Variants in SLC26A4 observed in about 807,000 individuals in gnomAD.
The protein encoded by SLC26A4 is pendrin.
Under a neutral mutation model 90.4 loss-of-function variants are expected in SLC26A4, and 93 were observed. The ratio of observed to expected loss-of-function variants is 1.03; its 90% CI spans 0.87 to 1.22. The LOEUF is 1.22. Ranked by LOEUF, SLC26A4 falls within the 50% of genes most tolerant of loss-of-function variation. The pLI, the probability that SLC26A4 is intolerant of heterozygous loss-of-function variation, is 0.00. For synonymous variants in SLC26A4, 393 were observed against 354.6 expected (o/e 1.11, Z -1.22); for missense variants, 1,127 against 946.2 (o/e 1.19, Z -2.51).
intron 8 of SLC26A4, among the ~76,000 whole-genome samples, chr7:107,684,538 T>C (rs1339511241): frequency 6.6e-6 from 1 of 152,172 alleles, no homozygotes; most frequent in Non-Finnish European, 1.5e-5. Context: ...TCCAAACTAT[T>C]TGAAAAAGCA....
intron 10 of SLC26A4, chr7:107,691,911 T>A: frequency 7.8e-7 from 1 of 1,284,538 alleles, no homozygotes; most frequent in South Asian, 1.2e-5. Context: ...CATTTCAGGC[T>A]GCAGCTGTCA....
At chr7:107,711,818 A>T (rs1167873931) in intron 19 of SLC26A4, among the ~76,000 whole-genome samples, 1 of 152,156 alleles carries the variant, frequency 6.6e-6, no homozygotes, top group Non-Finnish European at 1.5e-5. Flanking sequence ...CTTTCCCATT[A>T]TGTCATACCA....
At position 107,716,614 on chromosome 7, in the gene SLC26A4, C is replaced by A. The variant is rs1584350471; in HGVS notation, c.*1168C>A. On this transcript the variant is annotated 3_prime_UTR_variant, in exon 21 of 21. Coordinates refer to ENST00000644269, the MANE Select transcript of SLC26A4 (RefSeq NM_000441.2). ...TTTTATTTATTTTTTTCCTAAGTGC[C>A]AACAATTTTCTAGATATTATATACA... The A allele has an allele frequency of 6.6e-6, 1 of 151,852 alleles. No homozygotes were observed. Among genetic ancestry groups the A allele is most frequent in the African/African-American group, 2.4e-5 (1 of 41,320 alleles). The allele number at this position is 151,852 out of a possible 1,614,324, so 9.4% of individuals were successfully genotyped here.
At chr7:107,704,720 A>G (rs146572427) in intron 18 of SLC26A4, among the ~76,000 whole-genome samples, 1 of 152,236 alleles carries the variant, frequency 6.6e-6, no homozygotes, top group Non-Finnish European at 1.5e-5. Context: ...ATTAGTTAAC[A>G]TGAGGTCATG....
At chr7:107,695,289 A>G (rs1791708209) in intron 12 of SLC26A4, among the ~76,000 whole-genome samples, 1 of 152,154 alleles carries the variant, frequency 6.6e-6, no homozygotes, top group Non-Finnish European at 1.5e-5. Flanking sequence ...AGGCAGAAAT[A>G]AAAGCGGATA....
chr7:107,691,504 AAT>A (rs67649102), intron 10 of SLC26A4, among the ~76,000 whole-genome samples: 167 of 132,230 alleles, frequency 1.3e-3, no homozygotes, highest in Non-Finnish European at 1.9e-3. Flanking sequence ...CTCTGTGTCA[AAT>A]ATATATATAC....
Position 107,661,891 on chromosome 7 carries a change from G to T in SLC26A4, c.164+86G>T. On this transcript the variant is annotated intron_variant, in intron 2 of 20. Transcript: ENST00000644269. The surrounding 1 kb of genome is among the most constrained non-coding windows in gnomAD (Gnocchi z 5.1). ...GGAAGGGCGTCCCCAGCGGGCGAGA[G>T]TGGGGTGCGGGCGGCGGAGCCCCTG... 7.0e-7 allele frequency: 1 copy of T among 1,426,054 alleles called. No individual in the cohort carries two copies. The highest frequency in any genetic ancestry group is 1.4e-5 in the South Asian group (1 of 73,246). The allele number at this position is 1,426,054 out of a possible 1,614,324, so 88.3% of individuals were successfully genotyped here.
rs1458066970 is a variant in SLC26A4, at chr7:107,695,942, G to A, written c.1447G>A (p.Val483Met). Reference protein sequence around the residue: ...RQNKIDAVIWVFTCIVSIILG... With the variant: ...RQNKIDAVIWMFTCIVSIILG... ...CTATTTTTTTCCCTAGGTTATCTGG[G>A]TGTTTACGTGTATAGTGTCCATCAT... Residue 483 changes from valine to methionine, a missense_variant, in exon 13 of 21, where the codon GTG becomes ATG. Val to Met is a conservative substitution (Grantham distance 21). Transcript: ENST00000644269. The A allele has an allele frequency of 6.3e-7, 1 of 1,584,426 alleles. No homozygotes were observed. The highest frequency in any genetic ancestry group is 1.7e-5 in the Admixed American group (1 of 59,906).
chr7:107,690,468 A>C (rs752706625), intron 10 of SLC26A4, among the ~76,000 whole-genome samples: 11 of 152,174 alleles, frequency 7.2e-5, no homozygotes, highest in Non-Finnish European at 1.3e-4. Flanking sequence ...GTCAGTGCTT[A>C]CCTGTCATGT....
Position 107,701,954 on chromosome 7 carries a change from T to C in SLC26A4, c.1931T>C (p.Leu644Pro). Residue 644 changes from leucine to proline, a missense_variant, in exon 17 of 21, where the codon CTT (leucine) becomes CCT (proline). By Grantham distance (98) the Leu-to-Pro change is moderately conservative. Transcript: ENST00000644269. The stretch of plus-strand genomic sequence containing the variant: ...ATTCAAGTGGATTGGAACTCTGAGC[T>C]TCCAGTCAAAGTGAACGTTCCCAAA... ...IEIQVDWNSELPVKVNVPKVP... is the reference protein window; with the variant it reads ...IEIQVDWNSEPPVKVNVPKVP... 2 of 1,613,632 alleles carry C rather than the reference T, an allele frequency of 1.2e-6. No individual in the cohort carries two copies. Among genetic ancestry groups the C allele is most frequent in the Non-Finnish European group, 1.7e-6 (2 of 1,179,524 alleles).
intron 13 of SLC26A4, 109 bp from the exon 14 acceptor site, chr7:107,697,933 G>A: frequency 1.3e-6 from 1 of 748,620 alleles, no homozygotes; most frequent in South Asian, 1.4e-5. Flanking sequence ...AATAAAGACA[G>A]AGTCCAAAAC....
intron 18 of SLC26A4, among the ~76,000 whole-genome samples, chr7:107,706,005 GTTGT>G: frequency 6.6e-6 from 1 of 152,188 alleles, no homozygotes. Flanking sequence ...TCATTGGAGT[GTTGT>G]AGCCAGATAT....
chr7:107,687,061 T>C (rs1464878453), intron 8 of SLC26A4, among the ~76,000 whole-genome samples: 1 of 152,204 alleles, frequency 6.6e-6, no homozygotes, highest in Non-Finnish European at 1.5e-5. Flanking sequence ...GTATTCTGTT[T>C]GGTATTCTGT....
At chr7:107,698,799 C>T (rs546006797) in intron 14 of SLC26A4, among the ~76,000 whole-genome samples, 8 of 152,222 alleles carry the variant, frequency 5.3e-5, no homozygotes, top group African/African-American at 1.4e-4. Flanking sequence ...TATTATTTGA[C>T]ACTTTGCTTT....
chr7:107,701,031 C>T, intron 15 of SLC26A4, 70 bp from the exon 16 acceptor site: 1 of 919,630 alleles, frequency 1.1e-6, no homozygotes, highest in South Asian at 1.3e-5. Context: ...ATAGCCTTTC[C>T]AGATAACAGT....
At chr7:107,698,165 C>CA in intron 14 of SLC26A4, 54 bp downstream of exon 14, 1 of 1,127,286 alleles carries the variant, frequency 8.9e-7, no homozygotes, top group South Asian at 1.2e-5. Flanking sequence ...CCTGAAGTTT[C>CA]AGCAGCTCCA....
intron 3 of SLC26A4, among the ~76,000 whole-genome samples, chr7:107,664,608 A>C (rs1790659505): frequency 6.6e-6 from 1 of 152,208 alleles, no homozygotes; most frequent in Non-Finnish European, 1.5e-5. Flanking sequence ...CCTGGACTCC[A>C]CATGAATGTT....
Position 107,663,323 on chromosome 7 carries a change from G to T in SLC26A4, c.192G>T (p.Val64=). 6.2e-7 allele frequency: 1 copy of T among 1,614,176 alleles called. No individual in the cohort carries two copies. Among genetic ancestry groups the T allele is most frequent in the Non-Finnish European group, 8.5e-7 (1 of 1,180,006 alleles). Residue 64 remains valine (V), a synonymous_variant, in exon 3 of 21, where the codon GTG becomes GTT. Coordinates refer to ENST00000644269, the MANE Select transcript of SLC26A4 (RefSeq NM_000441.2). The part of the protein sequence containing the change: ...CSCSRKRAFG[V]LKTLVPILEW... ...GTTCAAGAAAGAGAGCCTTTGGTGT[G>T]CTAAAGACTCTTGTGCCCATCTTGG... is the stretch of plus-strand genomic sequence containing the variant.
intron 5 of SLC26A4, 128 bp from the exon 6 acceptor site, chr7:107,674,817 C>T: frequency 1.2e-6 from 1 of 821,860 alleles, no homozygotes; most frequent in Non-Finnish European, 2.1e-6. Context: ...TTTTTTTCTA[C>T]CAGTATTTTT....
Sources: allele counts gnomAD v4.1 joint callset (sites outside exome capture counted in the v4.1 genomes callset), GRCh38; gene constraint gnomAD v4.1.1; non-coding constraint Gnocchi (gnomAD v3.1); transcripts MANE v1.5; gene names NCBI Gene and HGNC (gene_info 2026-07-23, HGNC 2026-07-21).